The following SDHC variants were observed in gnomAD, a reference collection of about 807,000 sequenced individuals.
SDHC encodes succinate dehydrogenase cytochrome b560 subunit, mitochondrial.
Under a neutral mutation model 22.6 loss-of-function variants are expected in SDHC, and 11 were observed. The ratio of observed to expected loss-of-function variants is 0.49; its 90% confidence interval spans 0.31 to 0.81. The LOEUF is 0.81. Ranked by LOEUF, SDHC falls within the 30% of genes least tolerant of loss-of-function variation. The probability of loss-of-function intolerance (pLI) is 0.05; values close to 1 mark genes in which losing one functional copy is unlikely to be tolerated. For missense variants in SDHC, 160 were observed against 212.0 expected (o/e 0.75, Z 1.52); for synonymous variants, 80 against 77.8 (o/e 1.03, Z -0.15).
At chr1:161,348,373 G>A (rs1671975599) in intron 4 of SDHC, among the ~76,000 whole-genome samples, 1 of 151,410 alleles carries the variant, frequency 6.6e-6, no homozygotes, top group Non-Finnish European at 1.5e-5. Flanking sequence ...TGGCCAGGCT[G>A]GTCTTGAACT....
intron 3 of SDHC, among the ~76,000 whole-genome samples, chr1:161,330,660 C>T (rs563865773): frequency 1.2e-3 from 177 of 152,218 alleles, no homozygotes; most frequent in African/African-American, 4.1e-3. Context: ...CTCTCTGTCA[C>T]TTTTAGTCTA....
rs1671896229 is a variant in SDHC, at chr1:161,346,353, GA to G, written c.241+5699del. ...ATAATATATAGTCTCTACTCTCAAG[GA>G]TAGAGGAATCTAAGGAGTAAGACAA... On this transcript the variant is annotated intron_variant, in intron 4 of 5. Transcript: ENST00000367975. Among the ~76,000 whole-genome samples, 11 of 151,848 alleles carry G rather than the reference GA, an allele frequency of 7.2e-5. No individual in the cohort carries two copies. In the South Asian group the frequency reaches 2.3e-3, roughly 32 times the overall value.
At chr1:161,358,008 G>C (rs1262718002) in intron 5 of SDHC, among the ~76,000 whole-genome samples, 1 of 150,570 alleles carries the variant, frequency 6.6e-6, no homozygotes, top group African/African-American at 2.4e-5. Flanking sequence ...AAGAATTCCA[G>C]GTTTCAATAT....
At chr1:161,354,906 C>T (rs1289289384) in intron 4 of SDHC, among the ~76,000 whole-genome samples, 3 of 152,104 alleles carry the variant, frequency 2.0e-5, no homozygotes, top group Non-Finnish European at 2.9e-5. Flanking sequence ...GATGGGGTTT[C>T]ACCATGTTGC....
In SDHC at chr1:161,323,696, T is replaced by TA. The variant is rs200127243; in HGVS notation, c.77+26_77+27insA. 5.9e-4 allele frequency: 909 copies of TA among 1,534,384 alleles called. 5 individuals are homozygous for TA. The highest frequency in any genetic ancestry group is 4.2e-3 in the South Asian group (357 of 84,300). On this transcript the variant is annotated intron_variant, in intron 2 of 5. Transcript: ENST00000367975. ...GTAAGTTTCTAAGTCTGGAGATTAT[T>TA]TATTTATTTTTTTTTTTGAGACGGA...
In SDHC at chr1:161,322,571, G is replaced by T. The variant is rs576747625; in HGVS notation, c.21-1043G>T. Among the ~76,000 whole-genome samples, 548 of 140,860 alleles carry T rather than the reference G, an allele frequency of 3.9e-3. 1 individual carries two copies. Among genetic ancestry groups the T allele is most frequent in the South Asian group, 0.016 (72 of 4,440 alleles). The allele number at this position is 140,860 out of a possible 152,430, so 92.4% of individuals were successfully genotyped here. ...AACCTTTTTTTGTTTGTTTGTTTTTGTTTTTTTTTTTTTGAGACAAGGTCT... is the reference window on the plus strand; with the variant it reads ...AACCTTTTTTTGTTTGTTTGTTTTTTTTTTTTTTTTTTTGAGACAAGGTCT... On this transcript the variant is annotated intron_variant, in intron 1 of 5. Transcript: ENST00000367975.
At position 161,343,744 on chromosome 1, in the gene SDHC, TA is replaced by T. The variant is rs1387758818; in HGVS notation, c.241+3094del. On this transcript the variant is annotated intron_variant, in intron 4 of 5. Coordinates refer to ENST00000367975, the MANE Select transcript of SDHC (RefSeq NM_003001.5). ...TGATATTGATGAACAGATTTAATCC[TA>T]AAAATCACTGAAAGAACAAGAGCAG... Among the ~76,000 whole-genome samples the T allele has an allele frequency of 3.9e-5, 6 of 152,308 alleles. No homozygotes were observed. In the East Asian group the frequency reaches 1.2e-3, roughly 29 times the overall value.
chr1:161,333,796 C>T (rs980557894), intron 3 of SDHC, among the ~76,000 whole-genome samples: 4 of 152,304 alleles, frequency 2.6e-5, no homozygotes, highest in Non-Finnish European at 5.9e-5. Flanking sequence ...TCTAGTTTCT[C>T]CACATCCTCA....
rs761381438 is a variant in SDHC at position 161,323,617 on chromosome 1, C to A, written c.24C>A (p.His8Gln). 3.7e-6 allele frequency: 6 copies of A among 1,612,766 alleles called. No homozygotes were observed. In the African/African-American group the frequency reaches 6.7e-5, roughly 18 times the overall value. Residue 8 changes from histidine to glutamine, a missense_variant, in exon 2 of 6, where the codon CAC becomes CAA. By Grantham distance (24) the His-to-Gln change is conservative (BLOSUM62 0). Transcript: ENST00000367975. MAALLLR[H>Q]VGRHCLRAHF... ...TTTTGATTCTCTTATCTTGCAGACA[C>A]GTTGGTCGTCATTGCCTCCGAGCCC...
intron 3 of SDHC, among the ~76,000 whole-genome samples, chr1:161,333,608 C>T (rs566748810): frequency 4.6e-4 from 70 of 152,130 alleles, no homozygotes; most frequent in African/African-American, 1.6e-3. Flanking sequence ...TTCACCATGT[C>T]GGTCAGGATG....
chr1:161,332,026 G>A (rs977995228), intron 3 of SDHC, among the ~76,000 whole-genome samples: 4 of 152,146 alleles, frequency 2.6e-5, no homozygotes, highest in Non-Finnish European at 5.9e-5. Flanking sequence ...CCAGGCTGGA[G>A]TGTAGTAGTG....
intron 1 of SDHC, among the ~76,000 whole-genome samples, chr1:161,322,789 C>T (rs1169396385): frequency 6.6e-6 from 1 of 152,090 alleles, no homozygotes; most frequent in Non-Finnish European, 1.5e-5. Context: ...CAGTATTGAA[C>T]ACCTAGGCTC....
chr1:161,324,164 C>T (rs1052440960), intron 2 of SDHC, among the ~76,000 whole-genome samples: 10 of 152,154 alleles, frequency 6.6e-5, no homozygotes, highest in Admixed American at 5.9e-4. Context: ...TTGAGACAAG[C>T]TCTCACTCTA....
At chr1:161,318,280 C>T (rs1355835308) in intron 1 of SDHC, among the ~76,000 whole-genome samples, 1 of 152,166 alleles carries the variant, frequency 6.6e-6, no homozygotes, top group Non-Finnish European at 1.5e-5. Flanking sequence ...TCCCCCTCCC[C>T]CGCATATAAA....
intron 1 of SDHC, among the ~76,000 whole-genome samples, chr1:161,315,622 T>C (rs1412655714): frequency 1.3e-5 from 2 of 152,180 alleles, no homozygotes; most frequent in African/African-American, 4.8e-5. Flanking sequence ...TTAGGAGTTT[T>C]GGAATTAGTG....
chr1:161,318,239 A>G (rs998448883), intron 1 of SDHC, among the ~76,000 whole-genome samples: 5 of 152,022 alleles, frequency 3.3e-5, no homozygotes, highest in Non-Finnish European at 7.4e-5. Flanking sequence ...TCTAACTGAC[A>G]TTTTGTATCC....
At chr1:161,333,401 C>CTTTT (rs71581410) in intron 3 of SDHC, among the ~76,000 whole-genome samples, 2 of 130,402 alleles carry the variant, frequency 1.5e-5, no homozygotes, top group Admixed American at 7.9e-5. Flanking sequence ...CTATGTTTAA[C>CTTTT]TTTTTTTTTT....
At chr1:161,358,391 G>A (rs920027325) in intron 5 of SDHC, among the ~76,000 whole-genome samples, 41 of 151,902 alleles carry the variant, frequency 2.7e-4, no homozygotes, top group African/African-American at 9.4e-4. Flanking sequence ...TTACAGGCGC[G>A]AGCCACTGCA....
At chr1:161,334,661 G>A (rs75938678) in intron 3 of SDHC, among the ~76,000 whole-genome samples, 17,706 of 151,834 alleles carry the variant, frequency 0.12, 1,417 homozygotes, top group African/African-American at 0.22. Flanking sequence ...CTGGCTTTGA[G>A]CTCCTGGGCT....
Sources: allele counts gnomAD v4.1 joint callset (sites outside exome capture counted in the v4.1 genomes callset), GRCh38; gene constraint gnomAD v4.1.1; transcripts MANE v1.5; gene names NCBI Gene and HGNC (gene_info 2026-07-23, HGNC 2026-07-21).